The following PHF24 variants were observed in gnomAD, a reference collection of about 807,000 sequenced individuals.
PHF24 encodes Galpha inhibitory interacting protein.
A neutral mutation model predicts 42.6 loss-of-function variants in PHF24; 25 were observed. The ratio of observed to expected loss-of-function variants is 0.59; its 90% confidence interval spans 0.43 to 0.82. The LOEUF (loss-of-function observed/expected upper bound fraction) is 0.82. PHF24 is among the 40% of genes least tolerant of loss of function. PHF24 has a pLI of 0.00. For synonymous variants in PHF24, 185 were observed against 204.8 expected (o/e 0.90, Z 0.83); for missense variants, 470 against 538.1 (o/e 0.87, Z 1.25).
At chr9:34,959,720 G>A (rs1460805848) in intron 1 of PHF24, among the ~76,000 whole-genome samples, 1 of 152,188 alleles carries the variant, frequency 6.6e-6, no homozygotes, top group Non-Finnish European at 1.5e-5. Flanking sequence ...ATGCCTTGGG[G>A]TGGCTCTGGA....
At chr9:34,742,929 T>C in the PHF24 span, among the ~76,000 whole-genome samples, 2 of 64,476 alleles carry the variant, frequency 3.1e-5, no homozygotes, top group Non-Finnish European at 8.3e-5. Context: ...AACACAGTCA[T>C]GCCCATTTGT....
At chr9:34,866,729 T>C in the PHF24 span, among the ~76,000 whole-genome samples, 3,607 of 152,300 alleles carry the variant, frequency 0.024, 134 homozygotes, top group African/African-American at 0.083. Context: ...AGGGACTTGC[T>C]ATTGCTTTAG....
the PHF24 span, among the ~76,000 whole-genome samples, chr9:34,805,498 A>G: frequency 6.6e-6 from 1 of 152,210 alleles, no homozygotes; most frequent in Non-Finnish European, 1.5e-5. Context: ...GGCTATTTGT[A>G]TAACTTATTT....
chr9:34,937,740 C>T, the PHF24 span, among the ~76,000 whole-genome samples: 1 of 152,016 alleles, frequency 6.6e-6, no homozygotes, highest in Non-Finnish European at 1.5e-5. Context: ...TGGAGGCCAA[C>T]CAAGGGCCAG....
At chr9:34,705,942 C>T in the PHF24 span, among the ~76,000 whole-genome samples, 1 of 152,106 alleles carries the variant, frequency 6.6e-6, no homozygotes, top group Non-Finnish European at 1.5e-5. Context: ...GAAGTTATAA[C>T]CACATTCACC....
chr9:34,847,812 C>T, the PHF24 span, among the ~76,000 whole-genome samples: 1 of 151,882 alleles, frequency 6.6e-6, no homozygotes, highest in African/African-American at 2.4e-5. Context: ...TAGCATGAAG[C>T]GTTGTTGAAT....
At chr9:34,843,922 C>T in the PHF24 span, among the ~76,000 whole-genome samples, 1 of 151,998 alleles carries the variant, frequency 6.6e-6, no homozygotes, top group Non-Finnish European at 1.5e-5. Flanking sequence ...GCTATCAGGT[C>T]CTGTACTTTT....
the PHF24 span, among the ~76,000 whole-genome samples, chr9:34,947,623 C>G: frequency 6.6e-6 from 1 of 152,082 alleles, no homozygotes; most frequent in Non-Finnish European, 1.5e-5. Context: ...CAGAAGAAGG[C>G]ATTGTTGTCA....
rs375764636 is a variant in PHF24, at chr9:34,976,641, C to T, written c.750C>T (p.Arg250=). ...AGGAGCAAGAAGAGCAGGCGGCCCG[C>T]CAGTTTGCTGCCCTGGACCCTGAAC... Residue 250 remains arginine (R), a synonymous_variant, in exon 5 of 8, where the codon CGC becomes CGT. Transcript: ENST00000242315. 22 of 1,614,064 alleles carry T rather than the reference C, an allele frequency of 1.4e-5. No homozygotes were observed. The African/African-American group carries it at 2.4e-4, about 18-fold the overall frequency.
At chr9:34,712,985 T>G in the PHF24 span, among the ~76,000 whole-genome samples, 2 of 152,226 alleles carry the variant, frequency 1.3e-5, no homozygotes, top group African/African-American at 4.8e-5. Flanking sequence ...TTCCTATTTC[T>G]TTGTATTAGT....
At chr9:34,755,097 A>C in the PHF24 span, among the ~76,000 whole-genome samples, 7 of 152,138 alleles carry the variant, frequency 4.6e-5, no homozygotes, top group Admixed American at 2.0e-4. Flanking sequence ...AGGATTGGTT[A>C]ATAGGTAAAA....
chr9:34,770,779 A>C, the PHF24 span, among the ~76,000 whole-genome samples: 4 of 152,260 alleles, frequency 2.6e-5, no homozygotes, highest in South Asian at 4.1e-4. Flanking sequence ...ATGCAAAAAA[A>C]AATTAAAGTC....
the PHF24 span, chr9:34,709,784 C>CTT: frequency 1.1e-5 from 17 of 1,614,036 alleles, no homozygotes; most frequent in Non-Finnish European, 1.4e-5. Context: ...CACAGGATAG[C>CTT]TGGGATGGAG....
At chr9:34,883,990 A>G in the PHF24 span, among the ~76,000 whole-genome samples, 1 of 152,252 alleles carries the variant, frequency 6.6e-6, no homozygotes, top group Admixed American at 6.5e-5. Context: ...GATAGACTGG[A>G]TTAAGAAAAT....
At chr9:34,953,938 AAAAC>A (rs778417861), upstream of PHF24, among the ~76,000 whole-genome samples, 6 of 152,172 alleles carry the variant, frequency 3.9e-5, no homozygotes, top group Non-Finnish European at 8.8e-5. The surrounding 1 kb of genome is among the most constrained non-coding windows in gnomAD (Gnocchi z 4.1). Context: ...CCTGTCTCTT[AAAAC>A]AAACAAACAA....
chr9:34,894,493 T>G, the PHF24 span: 56 of 398,480 alleles, frequency 1.4e-4, 1 homozygote, highest in African/African-American at 9.9e-4. Flanking sequence ...TCCTGTGAAG[T>G]TCTCCTAGCT....
chr9:34,747,838 CAT>C, the PHF24 span, among the ~76,000 whole-genome samples: 1 of 152,076 alleles, frequency 6.6e-6, no homozygotes, highest in Non-Finnish European at 1.5e-5. Flanking sequence ...CACCAAAAGA[CAT>C]ATATTTGAAA....
the PHF24 span, chr9:34,835,484 G>A: frequency 1.2e-4 from 183 of 1,551,816 alleles, no homozygotes; most frequent in Admixed American, 1.8e-4. Flanking sequence ...CAAGGCCATC[G>A]GATGCATCCG....
chr9:34,832,502 C>G, the PHF24 span: 5 of 1,512,574 alleles, frequency 3.3e-6, no homozygotes, highest in African/African-American at 7.0e-5. Flanking sequence ...CTGTCGGCTT[C>G]TCTGTCTTAC....
Sources: allele counts gnomAD v4.1 joint callset (sites outside exome capture counted in the v4.1 genomes callset), GRCh38; gene constraint gnomAD v4.1.1; non-coding constraint Gnocchi (gnomAD v3.1); transcripts MANE v1.5; gene names NCBI Gene and HGNC (gene_info 2026-07-23, HGNC 2026-07-21).